Variants in COL5A2 observed in about 807,000 individuals in gnomAD.
COL5A2 encodes collagen alpha-2(V) chain.
A neutral mutation model predicts 208.2 loss-of-function variants in COL5A2; 23 were observed. The observed-to-expected ratio is 0.11, with a 90% CI of 0.08 to 0.16. The LOEUF is 0.16. COL5A2 is among the 10% of genes least tolerant of loss of function. The pLI is 1.00. For missense variants in COL5A2, 1,590 were observed against 1,956.4 expected (o/e 0.81, Z 3.53); for synonymous variants, 625 against 628.5 (o/e 0.99, Z 0.08).
chr2:189,440,566 CAT>C, the COL5A2 span, among the ~76,000 whole-genome samples: 2 of 152,312 alleles, frequency 1.3e-5, no homozygotes, highest in African/African-American at 4.8e-5. Flanking sequence ...CCTTATGTGA[CAT>C]GTGACTATAT....
the COL5A2 span, among the ~76,000 whole-genome samples, chr2:189,239,714 A>T: frequency 6.6e-6 from 1 of 151,780 alleles, no homozygotes; most frequent in African/African-American, 2.4e-5. Flanking sequence ...GCACATGTAT[A>T]CATATGTAAC....
At chr2:189,337,472 G>T in the COL5A2 span, among the ~76,000 whole-genome samples, 22 of 152,008 alleles carry the variant, frequency 1.4e-4, no homozygotes, top group African/African-American at 5.1e-4. Flanking sequence ...GTGAGCCACC[G>T]CGCCCGGCCG....
At chr2:189,416,309 C>T in the COL5A2 span, among the ~76,000 whole-genome samples, 1 of 152,176 alleles carries the variant, frequency 6.6e-6, no homozygotes, top group African/African-American at 2.4e-5. Flanking sequence ...TTGGAACCAA[C>T]CCAAATGCCC....
chr2:189,408,993 C>T, the COL5A2 span, among the ~76,000 whole-genome samples: 3 of 152,070 alleles, frequency 2.0e-5, no homozygotes, highest in Non-Finnish European at 4.4e-5. Flanking sequence ...GAAAAATGCA[C>T]CCATTCATTC....
chr2:189,032,357 T>C lies in COL5A2; in HGVS notation c.*1713A>G, dbSNP rs919547960. ...TTGCCTTTGTGGGTAATGTTGTAGA[T>C]AGATTTTCATTTATAAGCCAGTACA... On this transcript the variant is annotated 3_prime_UTR_variant, in exon 54 of 54. Transcript: ENST00000374866. 6.6e-6 allele frequency: 1 copy of C among 152,132 alleles called. No homozygotes were observed. The highest frequency in any genetic ancestry group is 1.5e-5 in the Non-Finnish European group (1 of 67,988). 9.4% of individuals were successfully genotyped at this position (152,132 alleles called of 1,614,324 possible).
At chr2:189,372,884 T>C in the COL5A2 span, among the ~76,000 whole-genome samples, 2 of 152,174 alleles carry the variant, frequency 1.3e-5, no homozygotes, top group Non-Finnish European at 2.9e-5. Context: ...GTTTGTAGGC[T>C]TTTATTATAC....
intron 29 of COL5A2, 106 bp downstream of exon 29, chr2:189,062,759 T>C: frequency 3.1e-6 from 4 of 1,296,706 alleles, no homozygotes; most frequent in African/African-American, 1.5e-5. Flanking sequence ...TACATTCTTA[T>C]TCACTTTCCC....
At chr2:189,214,268 T>C (rs967258964) in intron 1 of COL5A2, among the ~76,000 whole-genome samples, 1 of 152,020 alleles carries the variant, frequency 6.6e-6, no homozygotes, top group Non-Finnish European at 1.5e-5. Flanking sequence ...TCCAGGAAAG[T>C]AGAAATACCT....
chr2:189,094,588 G>GACACACACACACACACACACAC lies in COL5A2; in HGVS notation c.457-2190_457-2169dup, dbSNP rs1175370532. On this transcript the variant is annotated intron_variant, in intron 6 of 53. Transcript: ENST00000374866. ...TTTCTCTCTCTCTCTCTTTCTCTCT[G>GACACACACACACACACACACAC]ACACACACACACACACACACACACA... Among the ~76,000 whole-genome samples the GACACACACACACACACACACAC allele has an allele frequency of 5.8e-3, 68 of 11,684 alleles. 17 individuals carry two copies. The highest frequency in any genetic ancestry group is 6.3e-3 in the Non-Finnish European group (25 of 3,988). 7.7% of individuals were successfully genotyped at this position (11,684 alleles called of 152,430 possible).
the COL5A2 span, among the ~76,000 whole-genome samples, chr2:189,338,495 C>A: frequency 3.3e-5 from 5 of 152,062 alleles, no homozygotes; most frequent in East Asian, 9.6e-4. Flanking sequence ...CCCAAGGCCT[C>A]TTCTCCGTTC....
At chr2:189,081,181 T>C in intron 12 of COL5A2, 138 bp from the exon 13 acceptor site, 1 of 695,610 alleles carries the variant, frequency 1.4e-6, no homozygotes, top group Non-Finnish European at 2.6e-6. Flanking sequence ...AAAAGCAGTA[T>C]ACTTTTATCT....
the COL5A2 span, among the ~76,000 whole-genome samples, chr2:189,428,925 T>C: frequency 1.4e-4 from 22 of 152,238 alleles, no homozygotes; most frequent in East Asian, 4.1e-3. Flanking sequence ...AAATAGAAAG[T>C]AGAATGGTGG....
intron 1 of COL5A2, among the ~76,000 whole-genome samples, chr2:189,114,579 C>A (rs1302609175): frequency 7.0e-6 from 1 of 142,822 alleles, no homozygotes; most frequent in Non-Finnish European, 1.5e-5. Context: ...CTATCCAAAT[C>A]ATAAAATTAA....
intron 1 of COL5A2, among the ~76,000 whole-genome samples, chr2:189,150,810 C>T (rs140420333): frequency 1.9e-4 from 29 of 152,200 alleles, no homozygotes; most frequent in African/African-American, 6.3e-4. Context: ...GCTATTTAGT[C>T]CAATTTCTTA....
chr2:189,398,772 G>A, the COL5A2 span, among the ~76,000 whole-genome samples: 1 of 152,100 alleles, frequency 6.6e-6, no homozygotes, highest in African/African-American at 2.4e-5. Flanking sequence ...ATTGATCTGA[G>A]TTAAATCATC....
chr2:189,094,006 A>G (rs1324461170), intron 6 of COL5A2, among the ~76,000 whole-genome samples: 1 of 152,362 alleles, frequency 6.6e-6, no homozygotes, highest in Non-Finnish European at 1.5e-5. Flanking sequence ...AGAGTTCCAA[A>G]GAGACATACA....
chr2:189,304,291 C>T, the COL5A2 span, among the ~76,000 whole-genome samples: 2 of 151,950 alleles, frequency 1.3e-5, no homozygotes, highest in East Asian at 3.9e-4. Flanking sequence ...ATTTTTTTAC[C>T]TTGTCACTTT....
chr2:189,102,465 T>C (rs1687065197), intron 3 of COL5A2, among the ~76,000 whole-genome samples: 1 of 152,112 alleles, frequency 6.6e-6, no homozygotes. Context: ...TTTGTTTCTA[T>C]TGTTTGTATT....
intron 2 of COL5A2, among the ~76,000 whole-genome samples, chr2:189,108,973 T>A (rs1020283262): frequency 6.6e-6 from 1 of 150,812 alleles, no homozygotes; most frequent in Admixed American, 6.6e-5. Context: ...TATTAAGTTT[T>A]TTTTTTTTTT....
Sources: allele counts gnomAD v4.1 joint callset (sites outside exome capture counted in the v4.1 genomes callset), GRCh38; gene constraint gnomAD v4.1.1; transcripts MANE v1.5; gene names NCBI Gene and HGNC (gene_info 2026-07-23, HGNC 2026-07-21).